The following ZNF148 variants were observed in gnomAD, a reference collection of about 807,000 sequenced individuals.
ZNF148 encodes the protein zinc finger protein 148.
Under a neutral mutation model 67.7 loss-of-function variants are expected in ZNF148, and 7 were observed. The ratio of observed to expected loss-of-function variants is 0.10; its 90% CI spans 0.06 to 0.19. The LOEUF (loss-of-function observed/expected upper bound fraction) is 0.19. Ranked by LOEUF, ZNF148 falls within the 10% of genes least tolerant of loss-of-function variation. The pLI is 1.00. For missense variants in ZNF148, 583 were observed against 947.1 expected (o/e 0.62, Z 5.05); for synonymous variants, 333 against 330.7 (o/e 1.01, Z -0.08).
chr3:125,303,297 T>C (rs1298458687), intron 4 of ZNF148, among the ~76,000 whole-genome samples: 1 of 151,820 alleles, frequency 6.6e-6, no homozygotes, highest in Non-Finnish European at 1.5e-5. Flanking sequence ...CTTGATTGCT[T>C]TGGTGGTTAC....
At position 125,243,332 on chromosome 3, in the gene ZNF148, T is replaced by C. The variant is rs191233927; in HGVS notation, c.668-9003A>G. 5.7e-3 allele frequency among the ~76,000 whole-genome samples: 873 copies of C among 152,358 alleles called. 6 individuals are homozygous for C. The highest frequency in any genetic ancestry group is 0.01 in the Non-Finnish European group (712 of 68,024). ...ATACAAAGGGTATGGTTTTCTGCTA[T>C]TTTAATGAATTTACTTATTTGCAGT... On this transcript the variant is annotated intron_variant, in intron 7 of 8. Coordinates refer to ENST00000360647, the MANE Select transcript of ZNF148 (RefSeq NM_021964.3).
intron 3 of ZNF148, among the ~76,000 whole-genome samples, 156 bp from the exon 4 acceptor site, chr3:125,313,812 C>T (rs539875338): frequency 3.8e-4 from 58 of 152,194 alleles, no homozygotes; most frequent in Middle Eastern, 3.4e-3. Flanking sequence ...ATACCAATAT[C>T]GGTTTCCAAA....
At chr3:125,251,329 G>A (rs1169490905) in intron 7 of ZNF148, among the ~76,000 whole-genome samples, 1 of 152,152 alleles carries the variant, frequency 6.6e-6, no homozygotes, top group Non-Finnish European at 1.5e-5. Context: ...CATATAGAAA[G>A]TACACAGAAG....
intron 4 of ZNF148, among the ~76,000 whole-genome samples, chr3:125,308,174 ATAAC>A (rs1489656931): frequency 2.6e-5 from 4 of 152,164 alleles, no homozygotes; most frequent in South Asian, 2.1e-4. Flanking sequence ...CATAACTACT[ATAAC>A]TAATCAGTAA....
chr3:125,320,059 T>C (rs1940701342), intron 3 of ZNF148, among the ~76,000 whole-genome samples: 1 of 152,198 alleles, frequency 6.6e-6, no homozygotes, highest in South Asian at 2.1e-4. Context: ...GATTCAACAC[T>C]TTCCACGTTT....
rs1001892255 is a variant in ZNF148, at chr3:125,228,793, T to C, written c.*3548A>G. Reference sequence around the variant, plus strand: ...AACTCTAACTGTGCAGAATTAAAGATTCAATCATAGGTACATCCTTATTTG... The same window carrying C: ...AACTCTAACTGTGCAGAATTAAAGACTCAATCATAGGTACATCCTTATTTG... On this transcript the variant is annotated 3_prime_UTR_variant, in exon 9 of 9. Coordinates refer to ENST00000360647, the MANE Select transcript of ZNF148 (RefSeq NM_021964.3). The C allele has an allele frequency of 3.9e-5, 6 of 152,614 alleles. No homozygotes were observed. Among genetic ancestry groups the C allele is most frequent in the Non-Finnish European group, 5.9e-5 (4 of 68,010 alleles). 9.5% of individuals were successfully genotyped at this position (152,614 alleles called of 1,614,324 possible).
intron 4 of ZNF148, among the ~76,000 whole-genome samples, chr3:125,308,864 G>C (rs1940043027): frequency 6.6e-6 from 1 of 152,120 alleles, no homozygotes; most frequent in Admixed American, 6.5e-5. Context: ...CAAAAAGGAG[G>C]ATGAATAAAC....
At chr3:125,234,874 C>T (rs1936013389) in intron 7 of ZNF148, among the ~76,000 whole-genome samples, 1 of 152,132 alleles carries the variant, frequency 6.6e-6, no homozygotes, top group South Asian at 2.1e-4. Flanking sequence ...GCCAGCACTT[C>T]CCATATCATT....
In ZNF148 at chr3:125,321,698, G is replaced by A. The variant is rs1034187483; in HGVS notation, c.-17+1611C>T. Among the ~76,000 whole-genome samples the A allele has an allele frequency of 6.6e-5, 10 of 151,956 alleles. No homozygotes were observed. The South Asian group carries it at 1.5e-3, about 22-fold the overall frequency. The stretch of plus-strand genomic sequence containing the variant: ...GGGAAAAGGTAAAAAAAAAGTTCAC[G>A]CAAAGCAGAATCTGACATTCTGTTG... On this transcript the variant is annotated intron_variant, in intron 3 of 8. Transcript: ENST00000360647.
rs371615885 is a variant in ZNF148 at position 125,324,541 on chromosome 3, T to C, written c.-152-1097A>G. On this transcript the variant is annotated intron_variant, in intron 2 of 8. Transcript: ENST00000360647. ...TTCCTGACAGTAAGTATTCTGAGCATAGTTAACAAACTAAAGATTTTATGG... is the reference window on the plus strand; with the variant it reads ...TTCCTGACAGTAAGTATTCTGAGCACAGTTAACAAACTAAAGATTTTATGG... Among the ~76,000 whole-genome samples the C allele has an allele frequency of 4.6e-3, 695 of 152,318 alleles. 11 individuals carry two copies. The highest frequency in any genetic ancestry group is 4.0e-3 in the Non-Finnish European group (274 of 68,016).
At chr3:125,261,771 G>C (rs541895470) in intron 7 of ZNF148, among the ~76,000 whole-genome samples, 11 of 150,234 alleles carry the variant, frequency 7.3e-5, no homozygotes, top group Non-Finnish European at 1.0e-4. Flanking sequence ...AGAAAACAGA[G>C]GTCTAAGAAC....
At chr3:125,372,648 T>C (rs1160825346) in intron 1 of ZNF148, among the ~76,000 whole-genome samples, 1 of 152,212 alleles carries the variant, frequency 6.6e-6, no homozygotes, top group Non-Finnish European at 1.5e-5. Context: ...TTTTTCATTG[T>C]AAGTTCCCTC....
At chr3:125,307,520 T>G (rs561170049) in intron 4 of ZNF148, among the ~76,000 whole-genome samples, 2 of 152,276 alleles carry the variant, frequency 1.3e-5, no homozygotes, top group South Asian at 4.1e-4. Context: ...TAGCCAGGAT[T>G]GTCTCAATCT....
chr3:125,249,606 T>G (rs997619671), intron 7 of ZNF148, among the ~76,000 whole-genome samples: 1 of 152,032 alleles, frequency 6.6e-6, no homozygotes, highest in African/African-American at 2.4e-5. Flanking sequence ...GAAAACAGTA[T>G]GGAGGTTCCT....
intron 7 of ZNF148, among the ~76,000 whole-genome samples, chr3:125,275,657 G>T (rs991757331): frequency 6.6e-6 from 1 of 152,072 alleles, no homozygotes; most frequent in African/African-American, 2.4e-5. Flanking sequence ...CAGTTTTCTG[G>T]TACTTAGTAA....
At chr3:125,319,562 T>C (rs1940678724) in intron 3 of ZNF148, among the ~76,000 whole-genome samples, 1 of 152,178 alleles carries the variant, frequency 6.6e-6, no homozygotes, top group Non-Finnish European at 1.5e-5. Flanking sequence ...TTTTATACAA[T>C]TAATGAGGTC....
rs1295730757 is a variant in ZNF148, at chr3:125,313,245, T to C, written c.333+63A>G. On this transcript the variant is annotated intron_variant, in intron 4 of 8. Coordinates refer to ENST00000360647, the MANE Select transcript of ZNF148 (RefSeq NM_021964.3). ...ATTTTCTGAAATTTCTTCGATGACT[T>C]GCAGTATTACGTAACAAAAAATTAT... The C allele has an allele frequency of 8.9e-6, 12 of 1,350,784 alleles. No homozygotes were observed. The East Asian group carries it at 2.8e-4, about 32-fold the overall frequency. The allele number at this position is 1,350,784 out of a possible 1,614,324, so 83.7% of individuals were successfully genotyped here.
chr3:125,282,227 T>G (rs1174716591), intron 5 of ZNF148, among the ~76,000 whole-genome samples: 1 of 152,170 alleles, frequency 6.6e-6, no homozygotes, highest in Non-Finnish European at 1.5e-5. Flanking sequence ...CGGTATAGAC[T>G]TGCCTTCTTT....
In ZNF148 at chr3:125,337,880, T is replaced by G. The variant is rs145596220; in HGVS notation, c.-233-6642A>C. 3.4e-3 allele frequency among the ~76,000 whole-genome samples: 515 copies of G among 151,910 alleles called. 4 individuals are homozygous for G. The highest frequency in any genetic ancestry group is 0.012 in the African/African-American group (483 of 41,398). On this transcript the variant is annotated intron_variant, in intron 1 of 8. Coordinates refer to ENST00000360647, the MANE Select transcript of ZNF148 (RefSeq NM_021964.3). Reference sequence around the variant, plus strand: ...ACTTTGGGAGGCCAAGGTGAGAGGATCACTTGAGCCCAGGAGTTTGAGACC... The same window carrying G: ...ACTTTGGGAGGCCAAGGTGAGAGGAGCACTTGAGCCCAGGAGTTTGAGACC...
Sources: allele counts gnomAD v4.1 joint callset (sites outside exome capture counted in the v4.1 genomes callset), GRCh38; gene constraint gnomAD v4.1.1; transcripts MANE v1.5; gene names NCBI Gene and HGNC (gene_info 2026-07-23, HGNC 2026-07-21).